The following CHRM5 variants were observed in gnomAD, a reference collection of about 807,000 sequenced individuals.
CHRM5 encodes the protein cholinergic receptor muscarinic 5, also known as muscarinic acetylcholine receptor M5.
A neutral mutation model predicts 39.0 loss-of-function variants in CHRM5; 18 were observed. That is an observed-to-expected ratio of 0.46 (90% confidence interval 0.32 to 0.68). CHRM5 has a LOEUF of 0.68. Ranked by LOEUF, CHRM5 falls within the 30% of genes least tolerant of loss-of-function variation. The probability of loss-of-function intolerance (pLI) is 0.04; values close to 1 mark genes in which losing one functional copy is unlikely to be tolerated. For missense variants in CHRM5, 515 were observed against 651.1 expected (o/e 0.79, Z 2.28); for synonymous variants, 241 against 246.3 (o/e 0.98, Z 0.20).
intron 1 of CHRM5, among the ~76,000 whole-genome samples, chr15:33,999,890 T>G (rs920777624): frequency 6.6e-6 from 1 of 152,242 alleles, no homozygotes; most frequent in South Asian, 2.1e-4. Context: ...CCTCCGCTGG[T>G]TTTTCATCTC....
intron 1 of CHRM5, among the ~76,000 whole-genome samples, chr15:34,031,754 C>T (rs1464655466): frequency 6.6e-6 from 1 of 152,060 alleles, no homozygotes; most frequent in Admixed American, 6.6e-5. Context: ...CAATTTAAGG[C>T]TTACAAAATC....
chr15:33,995,850 C>T (rs988666741), intron 1 of CHRM5, among the ~76,000 whole-genome samples: 7 of 152,202 alleles, frequency 4.6e-5, no homozygotes, highest in African/African-American at 1.4e-4. Context: ...GTGCAGGCCA[C>T]GGAGGGCGAG....
intron 1 of CHRM5, among the ~76,000 whole-genome samples, chr15:34,024,499 A>C (rs1288200211): frequency 6.7e-6 from 1 of 149,486 alleles, no homozygotes; most frequent in African/African-American, 2.4e-5. Context: ...AAAAAGAAGC[A>C]CTTTGCTCAC....
At chr15:34,056,284 G>T (rs1900145560) in intron 2 of CHRM5, among the ~76,000 whole-genome samples, 1 of 152,188 alleles carries the variant, frequency 6.6e-6, no homozygotes, top group South Asian at 2.1e-4. Context: ...GGCCCAGAGA[G>T]AATACATGGC....
chr15:33,978,681 A>C (rs1896001386), intron 1 of CHRM5, among the ~76,000 whole-genome samples: 1 of 151,952 alleles, frequency 6.6e-6, no homozygotes, highest in Admixed American at 6.6e-5. Context: ...TAAATAAATA[A>C]ATAAAAATAA....
chr15:34,024,803 G>A (rs1403228673), intron 1 of CHRM5, among the ~76,000 whole-genome samples: 1 of 151,166 alleles, frequency 6.6e-6, no homozygotes, highest in Non-Finnish European at 1.5e-5. Flanking sequence ...AGAGGTTGCA[G>A]TGAGCCGAGA....
intron 1 of CHRM5, among the ~76,000 whole-genome samples, chr15:34,004,639 T>C (rs566288593): frequency 3.9e-5 from 6 of 152,188 alleles, no homozygotes; most frequent in Non-Finnish European, 5.9e-5. Flanking sequence ...CACTGAACTC[T>C]TTATGGATGA....
intron 1 of CHRM5, among the ~76,000 whole-genome samples, chr15:34,033,300 G>A (rs1898949160): frequency 6.6e-6 from 1 of 152,166 alleles, no homozygotes; most frequent in East Asian, 1.9e-4. Flanking sequence ...GACCTCAGGA[G>A]TTCAAAACCA....
intron 1 of CHRM5, chr15:34,039,037 C>T: frequency 9.0e-7 from 1 of 1,112,776 alleles, no homozygotes; most frequent in Non-Finnish European, 1.1e-6. Context: ...GCTCCTCGCT[C>T]CGCCTGCATC....
intron 1 of CHRM5, among the ~76,000 whole-genome samples, chr15:33,984,528 G>A (rs548099030): frequency 1.3e-5 from 2 of 151,830 alleles, no homozygotes; most frequent in African/African-American, 4.8e-5. Context: ...TCAGCCTCCC[G>A]CGTAGCTCAG....
At chr15:33,995,814 T>C (rs1466589816) in intron 1 of CHRM5, among the ~76,000 whole-genome samples, 3 of 152,198 alleles carry the variant, frequency 2.0e-5, no homozygotes, top group Non-Finnish European at 4.4e-5. Flanking sequence ...ACCTGGTTCA[T>C]CTCATTCGGA....
At chr15:33,997,389 C>T (rs979654383) in intron 1 of CHRM5, among the ~76,000 whole-genome samples, 3 of 152,028 alleles carry the variant, frequency 2.0e-5, no homozygotes, top group East Asian at 3.9e-4. Context: ...AAAGCAAGCA[C>T]CACAAATACA....
intron 2 of CHRM5, among the ~76,000 whole-genome samples, chr15:34,051,414 A>C (rs961141806): frequency 2.0e-5 from 3 of 152,232 alleles, no homozygotes; most frequent in African/African-American, 7.2e-5. Context: ...TAAAAACCTA[A>C]CATCACAACA....
chr15:34,054,690 G>C (rs959105030), intron 2 of CHRM5, among the ~76,000 whole-genome samples: 1 of 152,132 alleles, frequency 6.6e-6, no homozygotes, highest in Admixed American at 6.6e-5. Flanking sequence ...GTGGGGGTGA[G>C]GGTAGGAGGA....
chr15:34,020,584 T>C (rs919550244), intron 1 of CHRM5, among the ~76,000 whole-genome samples: 1 of 152,198 alleles, frequency 6.6e-6, no homozygotes, highest in African/African-American at 2.4e-5. Context: ...GAAATGGATT[T>C]CAATTCTCAC....
rs528713505 is a variant in CHRM5 at position 33,981,269 on chromosome 15, A to G, written c.-408+12119A>G. Reference sequence around the variant, plus strand: ...TCCGCATGCACAGTTTATAACACATAATTATCTTTTTGCTTGAGTTATTAG... The same window carrying G: ...TCCGCATGCACAGTTTATAACACATGATTATCTTTTTGCTTGAGTTATTAG... On this transcript the variant is annotated intron_variant, in intron 1 of 2. Coordinates refer to ENST00000383263, the MANE Select transcript of CHRM5 (RefSeq NM_012125.4). Among the ~76,000 whole-genome samples the G allele has an allele frequency of 4.3e-4, 65 of 152,304 alleles. 1 individual carries two copies. Among genetic ancestry groups the G allele is most frequent in the African/African-American group, 1.5e-3 (62 of 41,558 alleles).
intron 1 of CHRM5, chr15:34,002,912 T>C: frequency 1.0e-6 from 1 of 990,176 alleles, no homozygotes; most frequent in African/African-American, 1.7e-5. Context: ...TTACTTGAAT[T>C]AAAAATCCAA....
chr15:34,031,168 A>ATTTTTTTTTTTTTTTTTTTTTTTTTTTTT (rs34414446), intron 1 of CHRM5, among the ~76,000 whole-genome samples: 1 of 67,590 alleles, frequency 1.5e-5, no homozygotes. Flanking sequence ...GCTTAGGTTA[A>ATTTTTTTTTTTTTTTTTTTTTTTTTTTTT]TTTTTTTTTT....
intron 1 of CHRM5, among the ~76,000 whole-genome samples, chr15:34,010,570 G>A (rs1279292890): frequency 1.3e-5 from 1 of 76,066 alleles, no homozygotes; most frequent in Non-Finnish European, 3.0e-5. Flanking sequence ...CTAGTAAGGA[G>A]TTCAAAAACA....
Sources: gnomAD v4.1 joint callset for allele counts (sites outside exome capture counted in the v4.1 genomes callset) on GRCh38, gnomAD v4.1.1 for gene constraint, MANE v1.5 for transcripts, NCBI Gene and HGNC (gene_info 2026-07-23, HGNC 2026-07-21) for gene names.